The following PDE4D variants were observed in gnomAD, a reference collection of about 807,000 sequenced individuals.
PDE4D encodes the protein 3',5'-cyclic-AMP phosphodiesterase 4D.
Under a neutral mutation model 87.4 loss-of-function variants are expected in PDE4D, and 24 were observed. The observed-to-expected ratio is 0.27, with a 90% CI of 0.20 to 0.39. The LOEUF is 0.39. PDE4D is among the 10% of genes least tolerant of loss of function. The pLI is 1.00. For synonymous variants in PDE4D, 384 were observed against 383.2 expected (o/e 1.00, Z -0.02); for missense variants, 714 against 1,041.0 (o/e 0.69, Z 4.32).
chr5:59,801,165 C>T (rs1371799216), intron 1 of PDE4D, among the ~76,000 whole-genome samples: 1 of 152,176 alleles, frequency 6.6e-6, no homozygotes, highest in Non-Finnish European at 1.5e-5. Flanking sequence ...CTGAGAACAA[C>T]TGTCATAGCT....
chr5:59,923,725 T>A (rs1754945012), intron 3 of PDE4D, among the ~76,000 whole-genome samples: 1 of 152,160 alleles, frequency 6.6e-6, no homozygotes, highest in Admixed American at 6.5e-5. Flanking sequence ...AATATCCAAG[T>A]CTCTTTGAAA....
chr5:59,701,365 T>C (rs1255631741), intron 1 of PDE4D, among the ~76,000 whole-genome samples: 1 of 152,204 alleles, frequency 6.6e-6, no homozygotes, highest in Non-Finnish European at 1.5e-5. Flanking sequence ...CTGCTCCAAT[T>C]TGAACTACTT....
chr5:59,336,222 A>G (rs893261113), intron 1 of PDE4D, among the ~76,000 whole-genome samples: 7 of 152,210 alleles, frequency 4.6e-5, no homozygotes, highest in Admixed American at 3.9e-4. Flanking sequence ...CTTGACAGAA[A>G]GAAGGGCACA....
chr5:60,143,686 C>T (rs1249957222), intron 2 of PDE4D, among the ~76,000 whole-genome samples: 2 of 147,328 alleles, frequency 1.4e-5, no homozygotes, highest in African/African-American at 5.2e-5. Flanking sequence ...CGGTTAAGCT[C>T]GCTAGATGAT....
At chr5:60,337,877 C>CA (rs922048263) in intron 1 of PDE4D, among the ~76,000 whole-genome samples, 1 of 151,436 alleles carries the variant, frequency 6.6e-6, no homozygotes, top group African/African-American at 2.4e-5. Context: ...GAGTTCCTAC[C>CA]AAAAAACATT....
At chr5:59,312,985 G>A (rs1191244659) in intron 1 of PDE4D, among the ~76,000 whole-genome samples, 2 of 152,054 alleles carry the variant, frequency 1.3e-5, no homozygotes, top group African/African-American at 4.8e-5. Context: ...GTGATAAGCT[G>A]GAGATAAGTC....
At chr5:59,576,409 A>G (rs1015129456) in intron 1 of PDE4D, among the ~76,000 whole-genome samples, 2 of 152,160 alleles carry the variant, frequency 1.3e-5, no homozygotes, top group Non-Finnish European at 2.9e-5. Context: ...TTTTTATAGC[A>G]TACGACCCTA....
At chr5:59,275,649 T>C in intron 1 of PDE4D, 1 of 1,204,430 alleles carries the variant, frequency 8.3e-7, no homozygotes. Flanking sequence ...AGTGACAGTT[T>C]CTTCTGTGTC....
chr5:59,612,134 A>T (rs1182301456), intron 1 of PDE4D, among the ~76,000 whole-genome samples: 3 of 152,198 alleles, frequency 2.0e-5, no homozygotes, highest in Non-Finnish European at 4.4e-5. Context: ...GTTTGATATC[A>T]GCTATTTTTA....
chr5:59,221,964 T>C (rs1412483681), intron 1 of PDE4D, among the ~76,000 whole-genome samples: 1 of 152,218 alleles, frequency 6.6e-6, no homozygotes, highest in Non-Finnish European at 1.5e-5. Context: ...TGGTCTCCCA[T>C]GAGGGGGCAG....
At position 59,805,158 on chromosome 5, in the gene PDE4D, T is replaced by C. The variant is rs1050121067; in HGVS notation, c.455+88010A>G. On this transcript the variant is annotated intron_variant, in intron 1 of 14. Transcript: ENST00000340635. ...ACTTTCAAAATGTATGTAATGACCC[T>C]GTGTGTATTCCACTGGTTTGGAAAA... Among the ~76,000 whole-genome samples the C allele has an allele frequency of 1.9e-4, 29 of 152,232 alleles. 1 individual carries two copies. Among genetic ancestry groups the C allele is most frequent in the Admixed American group, 5.2e-4 (8 of 15,288 alleles).
chr5:59,107,048 AAC>A (rs1394353876), intron 5 of PDE4D, among the ~76,000 whole-genome samples: 1 of 152,172 alleles, frequency 6.6e-6, no homozygotes, highest in South Asian at 2.1e-4. Context: ...TTTTGAAAAA[AAC>A]AGTTATTGAT....
At chr5:59,777,491 A>G (rs909057471) in intron 1 of PDE4D, among the ~76,000 whole-genome samples, 12 of 152,192 alleles carry the variant, frequency 7.9e-5, no homozygotes, top group African/African-American at 2.7e-4. Flanking sequence ...TCAAACATTG[A>G]TGGACCTACA....
chr5:60,424,138 A>T (rs927008265), intron 1 of PDE4D, among the ~76,000 whole-genome samples: 3 of 152,218 alleles, frequency 2.0e-5, no homozygotes, highest in African/African-American at 4.8e-5. Context: ...TTCCTTCTGA[A>T]ACTAATCCAA....
chr5:60,296,336 G>C (rs1753381050), intron 1 of PDE4D, among the ~76,000 whole-genome samples: 1 of 152,168 alleles, frequency 6.6e-6, no homozygotes, highest in African/African-American at 2.4e-5. Context: ...AGATGGCACA[G>C]AATGACAGCA....
At chr5:59,908,568 G>A (rs1454856049) in intron 3 of PDE4D, among the ~76,000 whole-genome samples, 1 of 152,198 alleles carries the variant, frequency 6.6e-6, no homozygotes, top group Non-Finnish European at 1.5e-5. Flanking sequence ...CAAGATGTTC[G>A]CATATGTTTG....
chr5:59,797,645 A>C (rs1217565412), intron 1 of PDE4D, among the ~76,000 whole-genome samples: 2 of 152,270 alleles, frequency 1.3e-5, no homozygotes, highest in South Asian at 2.1e-4. Flanking sequence ...CTTTGGGTGA[A>C]GGCATAGGGG....
intron 1 of PDE4D, among the ~76,000 whole-genome samples, chr5:60,483,643 G>T (rs138981530): frequency 6.6e-6 from 1 of 152,168 alleles, no homozygotes; most frequent in African/African-American, 2.4e-5. Context: ...TACTGAAGAA[G>T]TGTTCTTATC....
chr5:59,840,265 C>T (rs557051184), intron 1 of PDE4D, among the ~76,000 whole-genome samples: 2 of 151,584 alleles, frequency 1.3e-5, no homozygotes, highest in African/African-American at 4.8e-5. Context: ...CACACACACA[C>T]ATCCCTTGTC....
Sources: allele counts gnomAD v4.1 joint callset (sites outside exome capture counted in the v4.1 genomes callset), GRCh38; gene constraint gnomAD v4.1.1; transcripts MANE v1.5; gene names NCBI Gene and HGNC (gene_info 2026-07-23, HGNC 2026-07-21).